OLFML2A: variants seen among roughly 807,000 people sequenced by gnomAD.
OLFML2A encodes the protein olfactomedin like 2A, also known as olfactomedin-like protein 2A.
Under a neutral mutation model 60.9 loss-of-function variants are expected in OLFML2A, and 47 were observed. The observed-to-expected ratio is 0.77, with a 90% CI of 0.61 to 0.98. OLFML2A has a LOEUF of 0.98. Ranked by LOEUF, OLFML2A falls within the 50% of genes least tolerant of loss-of-function variation. The pLI is 0.00. For missense variants in OLFML2A, 922 were observed against 879.8 expected, an observed-to-expected ratio of 1.05 and a Z score of -0.61; for synonymous variants, 372 against 375.0, an observed-to-expected ratio of 0.99 and a Z score of 0.09.
chr9:124,813,455 A>G lies in OLFML2A; in HGVS notation c.*3043A>G, dbSNP rs1049482407. 2.0e-5 allele frequency: 3 copies of G among 152,214 alleles called. No homozygotes were observed. The highest frequency in any genetic ancestry group is 4.4e-5 in the Non-Finnish European group (3 of 68,056). The allele number at this position is 152,214 out of a possible 1,614,324, so 9.4% of individuals were successfully genotyped here. On this transcript the variant is annotated 3_prime_UTR_variant, in exon 8 of 8. Coordinates refer to ENST00000373580, the MANE Select transcript of OLFML2A (RefSeq NM_182487.4). ...TCTGTATCCTGAATGTCCTCATTTTACAGATGAGGACATTGAGGAGAAGAG... is the reference window on the plus strand; with the variant it reads ...TCTGTATCCTGAATGTCCTCATTTTGCAGATGAGGACATTGAGGAGAAGAG...
Position 124,810,178 on chromosome 9 carries a change from C to G in OLFML2A, c.1725C>G (p.Tyr575Ter), listed in dbSNP as rs781655307. The change falls in exon 8 of 8, where the codon TAC becomes TAG. Residue 575 changes from tyrosine (Y) to a stop codon, truncating the protein, a stop_gained. Coordinates refer to ENST00000373580, the MANE Select transcript of OLFML2A (RefSeq NM_182487.4). LOFTEE classifies it high-confidence loss of function. ...TWKTRLRRNS[Y>*]GNCFLVCGIL... is the part of the protein sequence containing the mutation. ...AGACACGGCTGCGGCGGAACTCCTA[C>G]GGGAACTGCTTCCTGGTGTGCGGCA... The G allele has an allele frequency of 1.9e-6, 3 of 1,613,924 alleles. No individual in the cohort carries two copies. The highest frequency in any genetic ancestry group is 2.5e-6 in the Non-Finnish European group (3 of 1,180,020).
chr9:124,779,817 G>C lies in OLFML2A; in HGVS notation c.90+2457G>C, dbSNP rs576196097. 1.8e-3 allele frequency among the ~76,000 whole-genome samples: 270 copies of C among 152,266 alleles called. 3 individuals carry two copies. The South Asian group carries it at 0.018, about 10-fold the overall frequency. On this transcript the variant is annotated intron_variant, in intron 1 of 7. Coordinates refer to ENST00000373580, the MANE Select transcript of OLFML2A (RefSeq NM_182487.4). This position sits in a 1 kb window ranked among gnomAD's most constrained non-coding sequence, Gnocchi z 4.1. Reference sequence around the variant, plus strand: ...TCGCTCCTTCCCCCATCACAACCCCGCCTTCCTCTCCAAGCCCATTCCGTT... The same window carrying C: ...TCGCTCCTTCCCCCATCACAACCCCCCCTTCCTCTCCAAGCCCATTCCGTT...
chr9:124,780,047 G>C (rs1005118501), intron 1 of OLFML2A, among the ~76,000 whole-genome samples: 1 of 152,208 alleles, frequency 6.6e-6, no homozygotes, highest in Non-Finnish European at 1.5e-5. Flanking sequence ...TGCTCAACGT[G>C]TTTTCATTTC....
Position 124,809,875 on chromosome 9 carries a change from C to T in OLFML2A, c.1422C>T (p.Gly474=), listed in dbSNP as rs369802008. 3.5e-5 allele frequency: 56 copies of T among 1,613,988 alleles called. No homozygotes were observed. Among genetic ancestry groups the T allele is most frequent in the Non-Finnish European group, 4.6e-5 (54 of 1,180,010 alleles). Residue 474 remains glycine (G), a synonymous_variant, in exon 8 of 8, where the codon GGC becomes GGT. Coordinates refer to ENST00000373580, the MANE Select transcript of OLFML2A (RefSeq NM_182487.4). ...GCACAGGCCACGTGGTGTACCAGGG[C>T]GCCTTCTACTACAACCGCGCCTTCA... The part of the protein sequence containing the change: ...WIGTGHVVYQ[G]AFYYNRAFTK...
chr9:124,805,960 C>T (rs1841890987), intron 6 of OLFML2A, among the ~76,000 whole-genome samples: 1 of 151,352 alleles, frequency 6.6e-6, no homozygotes, highest in Non-Finnish European at 1.5e-5. Flanking sequence ...GGATTTCAGG[C>T]ACACACCACC....
chr9:124,794,444 A>G (rs1841625950), intron 2 of OLFML2A, among the ~76,000 whole-genome samples: 1 of 152,112 alleles, frequency 6.6e-6, no homozygotes, highest in African/African-American at 2.4e-5. Context: ...TACAATGATT[A>G]ATTGGTATAA....
rs1035302960 is a variant in OLFML2A at position 124,786,088 on chromosome 9, T to C, written c.91-887T>C. Among the ~76,000 whole-genome samples the C allele has an allele frequency of 9.2e-5, 14 of 152,250 alleles. No homozygotes were observed. In the Middle Eastern group the frequency reaches 0.01, roughly 111 times the overall value. On this transcript the variant is annotated intron_variant, in intron 1 of 7. Transcript: ENST00000373580. The stretch of plus-strand genomic sequence containing the variant: ...ATGATCCCACCACTGCATTCCAACC[T>C]GGGCCAAACAGCAAGACCCTCTCTC...
intron 2 of OLFML2A, among the ~76,000 whole-genome samples, chr9:124,794,063 C>T (rs899116125): frequency 2.6e-5 from 4 of 152,072 alleles, no homozygotes; most frequent in African/African-American, 9.7e-5. Context: ...AAAATACTCC[C>T]CAGAGAAACT....
chr9:124,781,868 A>G (rs1470247403), intron 1 of OLFML2A, among the ~76,000 whole-genome samples: 1 of 151,562 alleles, frequency 6.6e-6, no homozygotes, highest in Middle Eastern at 3.2e-3. Flanking sequence ...CCTCTCCTCC[A>G]CTCTAGCTAG....
intron 2 of OLFML2A, among the ~76,000 whole-genome samples, chr9:124,791,737 C>CAAA (rs10553820): frequency 3.9e-3 from 287 of 74,464 alleles, no homozygotes; most frequent in Non-Finnish European, 4.5e-3. Context: ...GACTCTGTCT[C>CAAA]AAAAAAAAAA....
At chr9:124,790,415 T>C (rs905868933) in intron 2 of OLFML2A, among the ~76,000 whole-genome samples, 4 of 152,106 alleles carry the variant, frequency 2.6e-5, no homozygotes, top group African/African-American at 9.7e-5. Context: ...CCTCAAGTGA[T>C]CCACGTCCCT....
At chr9:124,808,016 G>A (rs1841937601) in intron 7 of OLFML2A, 50 bp downstream of exon 7, 1 of 1,442,324 alleles carries the variant, frequency 6.9e-7, no homozygotes, top group African/African-American at 1.4e-5. Context: ...ACAACCTGGG[G>A]AGGGGTCCTC....
At chr9:124,794,918 G>A in intron 2 of OLFML2A, 106 bp from the exon 3 acceptor site, 1 of 662,158 alleles carries the variant, frequency 1.5e-6, no homozygotes. Context: ...CACAGCGCCT[G>A]GCCCAGGTTC....
chr9:124,804,171 A>C lies in OLFML2A; in HGVS notation c.997A>C (p.Asn333His). The stretch of plus-strand genomic sequence containing the variant: ...GGGCAGGTCCAACTCCGCAGAGCCC[A>C]ACTCCGCAGAGCAGGATGAGGCTGA... ...VEGRSNSAEP[N>H]SAEQDEAEPR... Residue 333 changes from asparagine to histidine, a missense_variant, in exon 6 of 8, where the codon AAC becomes CAC. Asn to His is a moderately conservative substitution (Grantham distance 68). Transcript: ENST00000373580. The C allele has an allele frequency of 1.2e-6, 2 of 1,614,048 alleles. No individual in the cohort carries two copies. Among genetic ancestry groups the C allele is most frequent in the East Asian group, 2.2e-5 (1 of 44,884 alleles).
At chr9:124,786,349 G>A (rs576567498) in intron 1 of OLFML2A, among the ~76,000 whole-genome samples, 9 of 152,036 alleles carry the variant, frequency 5.9e-5, no homozygotes, top group Non-Finnish European at 1.0e-4. Flanking sequence ...CTTGAGCCTG[G>A]GAGGTCAAGG....
intron 4 of OLFML2A, 66 bp downstream of exon 4, chr9:124,799,557 G>A (rs1363302742): frequency 9.7e-6 from 13 of 1,345,606 alleles, no homozygotes; most frequent in East Asian, 2.5e-5. Flanking sequence ...GTGCCAGGAC[G>A]TTGGCCCTGT....
intron 6 of OLFML2A, among the ~76,000 whole-genome samples, chr9:124,806,935 G>A (rs916433030): frequency 6.7e-6 from 1 of 150,162 alleles, no homozygotes; most frequent in African/African-American, 2.5e-5. Context: ...TTTTTTTGAG[G>A]CGGTGTCTTG....
Position 124,810,238 on chromosome 9 carries a change from A to G in OLFML2A, c.1785A>G (p.Glu595=). 1.2e-6 allele frequency: 2 copies of G among 1,613,330 alleles called. No individual in the cohort carries two copies. The highest frequency in any genetic ancestry group is 1.7e-6 in the Non-Finnish European group (2 of 1,180,016). Residue 595 remains glutamate (E), a synonymous_variant, in exon 8 of 8, where the codon GAA becomes GAG. Transcript: ENST00000373580. The part of the protein sequence containing the change: ...LYAVDTYNQQ[E]GQVAYAFDTH... ...CCGTGGACACGTACAACCAGCAGGAAGGCCAGGTCGCCTACGCTTTCGACA... is the reference window on the plus strand; with the variant it reads ...CCGTGGACACGTACAACCAGCAGGAGGGCCAGGTCGCCTACGCTTTCGACA...
intron 3 of OLFML2A, 124 bp from the exon 4 acceptor site, chr9:124,799,161 C>A: frequency 1.5e-6 from 1 of 651,678 alleles, no homozygotes; most frequent in East Asian, 2.7e-5. Context: ...TCACTGCGGC[C>A]GCCCCTAGCC....
Sources: gnomAD v4.1 joint callset for allele counts (sites outside exome capture counted in the v4.1 genomes callset) on GRCh38, gnomAD v4.1.1 for gene constraint, Gnocchi (gnomAD v3.1) non-coding constraint, MANE v1.5 for transcripts, NCBI Gene and HGNC (gene_info 2026-07-23, HGNC 2026-07-21) for gene names.